The following TTLL10 variants were observed in gnomAD, a reference collection of about 807,000 sequenced individuals.
TTLL10 encodes the protein inactive polyglycylase TTLL10.
A neutral mutation model predicts 69.0 loss-of-function variants in TTLL10; 61 were observed. The observed-to-expected ratio is 0.88, with a 90% CI of 0.72 to 1.09. The LOEUF (loss-of-function observed/expected upper bound fraction) is 1.09. Ranked by LOEUF, TTLL10 falls within the 50% of genes least tolerant of loss-of-function variation. TTLL10 has a pLI of 0.00. For missense variants in TTLL10, 962 were observed against 945.9 expected, an observed-to-expected ratio of 1.02 and a Z score of -0.22; for synonymous variants, 408 against 393.3, an observed-to-expected ratio of 1.04 and a Z score of -0.44.
Position 1,180,970 on chromosome 1 carries a change from G to A in TTLL10, c.755+110G>A. ...TGCCCCTGCGCCCGCCCCTGCCCTTGCCCCTGCCCCTGGCCACCCAGGCTC... is the reference window on the plus strand; with the variant it reads ...TGCCCCTGCGCCCGCCCCTGCCCTTACCCCTGCCCCTGGCCACCCAGGCTC... On this transcript the variant is annotated intron_variant, in intron 8 of 15. Transcript: ENST00000379289. 2.9e-6 allele frequency: 3 copies of A among 1,023,086 alleles called. No individual in the cohort carries two copies. In the African/African-American group the frequency reaches 6.7e-5, roughly 23 times the overall value. 63.4% of individuals were successfully genotyped at this position (1,023,086 alleles called of 1,614,324 possible).
rs766903060 is a variant in TTLL10, at chr1:1,182,379, G to A, written c.849G>A (p.Glu283=). ...LRPQRVLRME[E]FFPETYRLDL... ...CCTGCAGGGTCCTGAGAATGGAAGA[G>A]TTTTTCCCAGAGACCTACCGCCTGG... The change falls in exon 10 of 16, where the codon GAG becomes GAA. Residue 283 remains glutamate (E), a synonymous_variant. Transcript: ENST00000379289. 1 of 1,613,826 alleles carries A rather than the reference G, an allele frequency of 6.2e-7. No homozygotes were observed. Among genetic ancestry groups the A allele is most frequent in the Non-Finnish European group, 8.5e-7 (1 of 1,179,938 alleles).
At chr1:1,187,832 G>C (rs895359649) in intron 13 of TTLL10, among the ~76,000 whole-genome samples, 3 of 151,902 alleles carry the variant, frequency 2.0e-5, no homozygotes, top group Admixed American at 6.6e-5. Context: ...TTGAACCCGG[G>C]AGGCAGAGGT....
intron 13 of TTLL10, 155 bp from the exon 14 acceptor site, chr1:1,196,445 G>C (rs999214465): frequency 1.6e-6 from 1 of 626,828 alleles, no homozygotes; most frequent in Non-Finnish European, 2.9e-6. Context: ...CTGTGAACCT[G>C]TGAGGCTGAG....
In TTLL10 at chr1:1,178,209, G is replaced by A. The variant is rs187932080; in HGVS notation, c.-27-980G>A. ...CAGCCTCAGAGCCCCCACAGCCTCT[G>A]CCCAACACTGCCGTGTGCTCCCCTG... On this transcript the variant is annotated intron_variant, in intron 3 of 15. Coordinates refer to ENST00000379289, the MANE Select transcript of TTLL10 (RefSeq NM_001130045.2). 2.8e-3 allele frequency among the ~76,000 whole-genome samples: 426 copies of A among 152,264 alleles called. 1 individual carries two copies. Among genetic ancestry groups the A allele is most frequent in the African/African-American group, 9.7e-3 (405 of 41,562 alleles).
In TTLL10 at chr1:1,181,621, C is replaced by G. The variant is rs1570413562; in HGVS notation, c.756-120C>G. The G allele has an allele frequency of 1.4e-5, 13 of 906,760 alleles. No individual in the cohort carries two copies. The highest frequency in any genetic ancestry group is 1.9e-5 in the Non-Finnish European group (11 of 593,118). The allele number at this position is 906,760 out of a possible 1,614,324, so 56.2% of individuals were successfully genotyped here. A position where few individuals can be genotyped will look rare whatever the true frequency, so the allele number is the denominator to read the frequency against. On this transcript the variant is annotated intron_variant, in intron 8 of 15. Coordinates refer to ENST00000379289, the MANE Select transcript of TTLL10 (RefSeq NM_001130045.2). The surrounding 1 kb of genome is among the most constrained non-coding windows in gnomAD (Gnocchi z 4.6). ...GGCACCGCCGTCCACCCAGCCACCTCCTTCCACCACAACTCACAGTCCGCC... is the reference window on the plus strand; with the variant it reads ...GGCACCGCCGTCCACCCAGCCACCTGCTTCCACCACAACTCACAGTCCGCC...
chr1:1,179,259 C>G lies in TTLL10; in HGVS notation c.44C>G (p.Pro15Arg). 6.4e-7 allele frequency: 1 copy of G among 1,550,630 alleles called. No individual in the cohort carries two copies. The highest frequency in any genetic ancestry group is 8.7e-7 in the Non-Finnish European group (1 of 1,146,648). ...CGGTTCATCCACCGCCGGGGACCACCCACTCGGACCCGAGCCGGCTTCAAG... is the reference window on the plus strand; with the variant it reads ...CGGTTCATCCACCGCCGGGGACCACGCACTCGGACCCGAGCCGGCTTCAAG... Reference protein sequence around the residue: ...CTRFIHRRGPPTRTRAGFKRG... With the variant: ...CTRFIHRRGPRTRTRAGFKRG... The change falls in exon 4 of 16, where the codon CCC becomes CGC. Residue 15 changes from proline (P) to arginine (R), a missense_variant. Physicochemically the swap from Pro to Arg is moderately radical, Grantham distance 103 (BLOSUM62 -2). Coordinates refer to ENST00000379289, the MANE Select transcript of TTLL10 (RefSeq NM_001130045.2).
At chr1:1,190,827 A>AT (rs1269740099) in intron 13 of TTLL10, among the ~76,000 whole-genome samples, 1 of 151,486 alleles carries the variant, frequency 6.6e-6, no homozygotes, top group Non-Finnish European at 1.5e-5. Context: ...TTTTATTTTT[A>AT]TTTTTTATTT....
At chr1:1,182,689 C>G (rs1035448704) in intron 10 of TTLL10, among the ~76,000 whole-genome samples, 187 bp from the exon 11 acceptor site, 1 of 151,818 alleles carries the variant, frequency 6.6e-6, no homozygotes, top group Admixed American at 6.6e-5. Context: ...AGGGCTGGAG[C>G]TTGGTCCGGG....
At position 1,180,773 on chromosome 1, in the gene TTLL10, C is replaced by T. The variant is rs1370829955; in HGVS notation, c.668C>T (p.Thr223Ile). The T allele has an allele frequency of 6.2e-7, 1 of 1,608,610 alleles. No individual in the cohort carries two copies. Among genetic ancestry groups the T allele is most frequent in the Non-Finnish European group, 8.5e-7 (1 of 1,178,064 alleles). Residue 223 changes from threonine to isoleucine, a missense_variant, in exon 8 of 16, where the codon ACC (threonine) becomes ATC (isoleucine). By Grantham distance (89) the Thr-to-Ile change is moderately conservative. Transcript: ENST00000379289. ...CAGCTTCCCAACAACAAGCTCCTCA[C>T]CACCAAGATCGGGCTGCTCAGCACC... ...LYQLPNNKLL[T>I]TKIGLLSTLR...
Position 1,189,469 on chromosome 1 carries a change from T to G in TTLL10, c.1401+4360T>G, listed in dbSNP as rs114307073. On this transcript the variant is annotated intron_variant, in intron 13 of 15. Transcript: ENST00000379289. ...GATGATGGTATAGAACCATTTAAAT[T>G]TAAATATGCTGTTGGATTTGGTTTG... Among the ~76,000 whole-genome samples, 538 of 152,366 alleles carry G rather than the reference T, an allele frequency of 3.5e-3. 1 individual carries two copies. The highest frequency in any genetic ancestry group is 6.1e-3 in the Non-Finnish European group (415 of 68,036).
Position 1,179,648 on chromosome 1 carries a change from G to A in TTLL10, c.119-9G>A. 1 of 1,550,838 alleles carries A rather than the reference G, an allele frequency of 6.4e-7. No individual in the cohort carries two copies. The highest frequency in any genetic ancestry group is 2.4e-5 in the East Asian group (1 of 40,908). ...CATCATCATGGACATTGTGACCCCT[G>A]CCCTCCAGGGACCATCCCTGCGTCA... On this transcript the variant is annotated splice_polypyrimidine_tract_variant and intron_variant, in intron 4 of 15. Transcript: ENST00000379289.
At position 1,179,171 on chromosome 1, in the gene TTLL10, G is replaced by A. The variant is rs1207162142; in HGVS notation, c.-27-18G>A. ...GCGGAGGTCCCACAGGAGGGTCAGA[G>A]CGGCATCTTCCCTTCAGGGCCCTCG... On this transcript the variant is annotated intron_variant, in intron 3 of 15. Coordinates refer to ENST00000379289, the MANE Select transcript of TTLL10 (RefSeq NM_001130045.2). 1 of 1,473,400 alleles carries A rather than the reference G, an allele frequency of 6.8e-7. No homozygotes were observed. The highest frequency in any genetic ancestry group is 1.4e-5 in the African/African-American group (1 of 71,152). 91.3% of individuals were successfully genotyped at this position (1,473,400 alleles called of 1,614,324 possible). A position where few individuals can be genotyped will look rare whatever the true frequency, so the allele number is the denominator to read the frequency against.
intron 13 of TTLL10, among the ~76,000 whole-genome samples, chr1:1,189,980 C>T (rs1219771121): frequency 2.0e-5 from 3 of 151,842 alleles, no homozygotes; most frequent in Admixed American, 1.3e-4. Context: ...GGCGTGGTGG[C>T]GGGCACCTGT....
intron 3 of TTLL10, among the ~76,000 whole-genome samples, chr1:1,178,187 C>T (rs2100851218): frequency 6.6e-6 from 1 of 152,280 alleles, no homozygotes; most frequent in African/African-American, 2.4e-5. Context: ...CCTTCTCCAG[C>T]CTCAGAGCCC....
In TTLL10 at chr1:1,183,099, C is replaced by A. The variant is rs774424198; in HGVS notation, c.1088+52C>A. On this transcript the variant is annotated intron_variant, in intron 11 of 15. Transcript: ENST00000379289. ...GAGGGTCTGGGCTGGCTGACCCGGG[C>A]CCCACTGGTGCAGTCAGCAGGGCCG... is the stretch of plus-strand genomic sequence containing the variant. 8 of 1,528,724 alleles carry A rather than the reference C, an allele frequency of 5.2e-6. No individual in the cohort carries two copies. The East Asian group carries it at 7.4e-5, about 14-fold the overall frequency. The allele number at this position is 1,528,724 out of a possible 1,614,324, so 94.7% of individuals were successfully genotyped here.
rs746713795 is a variant in TTLL10 at position 1,180,536 on chromosome 1, G to A, written c.560G>A (p.Arg187Gln). 38 of 1,549,532 alleles carry A rather than the reference G, an allele frequency of 2.5e-5. No homozygotes were observed. Among genetic ancestry groups the A allele is most frequent in the South Asian group, 1.1e-4 (9 of 83,930 alleles). The stretch of plus-strand genomic sequence containing the variant: ...TGGCAGCGCATCCATGACAGCCGCC[G>A]GGACGACTACACGCTGAAGTGGTGT... Reference protein sequence around the residue: ...KGWQRIHDSRRDDYTLKWCEV... With the variant: ...KGWQRIHDSRQDDYTLKWCEV... Residue 187 changes from arginine (R) to glutamine (Q), a missense_variant, in exon 7 of 16, where the codon CGG becomes CAG. Physicochemically the swap from Arg to Gln is conservative, Grantham distance 43. Transcript: ENST00000379289.
intron 14 of TTLL10, 137 bp from the exon 15 acceptor site, chr1:1,196,956 G>A: frequency 1.1e-6 from 1 of 910,510 alleles, no homozygotes; most frequent in Non-Finnish European, 1.7e-6. Flanking sequence ...CAGAGCTTCA[G>A]TGGACAAACA....
intron 7 of TTLL10, 22 bp from the exon 8 acceptor site, chr1:1,180,709 A>G: frequency 6.3e-7 from 1 of 1,596,720 alleles, no homozygotes; most frequent in South Asian, 1.1e-5. Flanking sequence ...CCTCCACACG[A>G]GCCCTGGCCT....
In TTLL10 at chr1:1,180,164, A is replaced by G. The variant is rs1345170691; in HGVS notation, c.330A>G (p.Thr110=). 1 of 1,611,150 alleles carries G rather than the reference A, an allele frequency of 6.2e-7. No individual in the cohort carries two copies. The highest frequency in any genetic ancestry group is 2.2e-5 in the East Asian group (1 of 44,792). ...AGGGGGCAGAAAGAGCCTCTGCCAC[A>G]CCCGGACCCCCTGGGCTCCTGAACA... The part of the protein sequence containing the change: ...DLEGAERASA[T]PGPPGLLNSH... The change falls in exon 6 of 16, where the codon ACA becomes ACG. Residue 110 remains threonine, a synonymous_variant. Transcript: ENST00000379289.
Sources: gnomAD v4.1 joint callset for allele counts (sites outside exome capture counted in the v4.1 genomes callset) on GRCh38, gnomAD v4.1.1 for gene constraint, Gnocchi (gnomAD v3.1) non-coding constraint, MANE v1.5 for transcripts, NCBI Gene and HGNC (gene_info 2026-07-23, HGNC 2026-07-21) for gene names.